Variants in IFT74 observed in about 807,000 individuals in gnomAD.
IFT74 encodes intraflagellar transport 74.
A neutral mutation model predicts 96.7 loss-of-function variants in IFT74; 92 were observed. The ratio of observed to expected loss-of-function variants is 0.95; its 90% confidence interval spans 0.80 to 1.13. The LOEUF is 1.13. Ranked by LOEUF, IFT74 falls within the 50% of genes most tolerant of loss-of-function variation. The pLI is 0.00. For synonymous variants in IFT74, 223 were observed against 213.2 expected, an observed-to-expected ratio of 1.05 and a Z score of -0.40; for missense variants, 811 against 698.2, an observed-to-expected ratio of 1.16 and a Z score of -1.82.
chr9:27,036,826 A>G, intron 13 of IFT74: 8 of 1,051,780 alleles, frequency 7.6e-6, no homozygotes, highest in Non-Finnish European at 9.1e-6. Context: ...CCAAAGTGAC[A>G]CAATAAAACA....
At chr9:26,988,617 A>C (rs1485594428) in intron 6 of IFT74, 52 bp from the exon 7 acceptor site, 1 of 1,451,992 alleles carries the variant, frequency 6.9e-7, no homozygotes, top group Non-Finnish European at 9.4e-7. Flanking sequence ...TATAGAGAAC[A>C]TGTGTAAAGA....
chr9:26,975,091 G>A (rs1275520756), intron 2 of IFT74, among the ~76,000 whole-genome samples: 1 of 152,148 alleles, frequency 6.6e-6, no homozygotes, highest in African/African-American at 2.4e-5. Flanking sequence ...TAAGGAGGAG[G>A]AATAACGTGA....
rs537445889 is a variant in IFT74 at position 27,016,698 on chromosome 9, A to C, written c.790-209A>C. ...AAACTAAGGCTATCAACTTCTTGTGAATCTTAGACTGAAAATAGCAGGATT... is the reference window on the plus strand; with the variant it reads ...AAACTAAGGCTATCAACTTCTTGTGCATCTTAGACTGAAAATAGCAGGATT... On this transcript the variant is annotated intron_variant, in intron 10 of 19. Transcript: ENST00000380062. Among the ~76,000 whole-genome samples the C allele has an allele frequency of 2.6e-5, 4 of 152,302 alleles. No individual in the cohort carries two copies. In the East Asian group the frequency reaches 7.7e-4, roughly 29 times the overall value.
At chr9:27,053,542 C>G (rs1464511824) in intron 16 of IFT74, among the ~76,000 whole-genome samples, 2 of 152,232 alleles carry the variant, frequency 1.3e-5, no homozygotes, top group Middle Eastern at 3.4e-3. Flanking sequence ...AGATTTTGCT[C>G]CTATGTACAC....
intron 8 of IFT74, among the ~76,000 whole-genome samples, chr9:27,004,246 A>G (rs1323882405): frequency 6.6e-6 from 1 of 152,218 alleles, no homozygotes; most frequent in African/African-American, 2.4e-5. Flanking sequence ...TGTTTTCTCA[A>G]GTGCGCTAAA....
intron 1 of IFT74, among the ~76,000 whole-genome samples, chr9:26,957,119 G>A (rs1826144564): frequency 1.3e-5 from 2 of 152,186 alleles, no homozygotes; most frequent in African/African-American, 4.8e-5. Flanking sequence ...AGGCCAGGCT[G>A]CCTCTCTGTG....
chr9:27,055,034 A>T (rs1820099908), intron 16 of IFT74, among the ~76,000 whole-genome samples: 1 of 152,228 alleles, frequency 6.6e-6, no homozygotes, highest in Non-Finnish European at 1.5e-5. Flanking sequence ...GTCTTTAAAC[A>T]AACATAAAGC....
intron 12 of IFT74, among the ~76,000 whole-genome samples, chr9:27,019,702 C>T (rs1453682727): frequency 6.6e-6 from 1 of 151,218 alleles, no homozygotes; most frequent in Non-Finnish European, 1.5e-5. Context: ...TGGGCTGTTA[C>T]CATTTTTTTA....
chr9:27,033,708 T>C (rs907773128), intron 13 of IFT74, among the ~76,000 whole-genome samples: 2 of 152,182 alleles, frequency 1.3e-5, no homozygotes, highest in South Asian at 2.1e-4. Context: ...AATTTTTTAC[T>C]CCCAAGAACA....
intron 8 of IFT74, among the ~76,000 whole-genome samples, chr9:27,002,828 G>A (rs377164222): frequency 2.0e-5 from 3 of 152,206 alleles, no homozygotes; most frequent in South Asian, 4.1e-4. Flanking sequence ...TCTATGAAGA[G>A]CGTCACTGTA....
intron 3 of IFT74, 70 bp downstream of exon 3, chr9:26,978,333 T>A (rs2131525820): frequency 6.7e-7 from 1 of 1,490,506 alleles, no homozygotes; most frequent in Non-Finnish European, 9.1e-7. Flanking sequence ...GTGAACAATT[T>A]AAAAAAGTAA....
At chr9:27,025,443 C>CAAAAAAAAAAAAAAAA (rs57335230) in intron 12 of IFT74, among the ~76,000 whole-genome samples, 1 of 77,716 alleles carries the variant, frequency 1.3e-5, no homozygotes, top group Non-Finnish European at 2.5e-5. Context: ...ACTCCATCTC[C>CAAAAAAAAAAAAAAAA]AAAAAAAAAA....
At position 27,060,611 on chromosome 9, in the gene IFT74, GT is replaced by G. The variant is rs1820372469; in HGVS notation, c.1645del (p.Trp549GlyfsTer11). The G allele has an allele frequency of 6.3e-7, 1 of 1,594,836 alleles. No homozygotes were observed. Among genetic ancestry groups the G allele is most frequent in the Non-Finnish European group, 8.6e-7 (1 of 1,168,060 alleles). On this transcript the variant is annotated frameshift_variant, in exon 19 of 20. Coordinates refer to ENST00000380062, the MANE Select transcript of IFT74 (RefSeq NM_025103.4). LOFTEE classifies it high-confidence loss of function. ...TTTAGCTTACAAATTTGGAGAGAAA[GT>G]GGCAACACCTTGAGCAAAATAATTT... ...HSQLTNLERK[W>X]QHLEQNNFAM...
chr9:27,056,178 A>T (rs1357430490), intron 17 of IFT74, among the ~76,000 whole-genome samples, 156 bp from the exon 18 acceptor site: 1 of 152,148 alleles, frequency 6.6e-6, no homozygotes, highest in Non-Finnish European at 1.5e-5. Flanking sequence ...AACATAGCTT[A>T]TAGTTCAAAG....
At chr9:27,042,329 A>C (rs1819518923) in intron 13 of IFT74, among the ~76,000 whole-genome samples, 2 of 152,130 alleles carry the variant, frequency 1.3e-5, no homozygotes, top group Non-Finnish European at 2.9e-5. Context: ...AAGGAAGCAG[A>C]CCCATGAAGA....
At chr9:27,030,711 C>T (rs1203339039) in intron 13 of IFT74, among the ~76,000 whole-genome samples, 2 of 152,132 alleles carry the variant, frequency 1.3e-5, no homozygotes, top group African/African-American at 4.8e-5. Context: ...GTATTATTGG[C>T]AGATGTCATG....
intron 8 of IFT74, among the ~76,000 whole-genome samples, chr9:27,001,528 T>C (rs908884627): frequency 1.3e-5 from 2 of 152,214 alleles, no homozygotes; most frequent in Non-Finnish European, 2.9e-5. Flanking sequence ...TATATCATTG[T>C]AGTTTTGATT....
rs1300183405 is a variant in IFT74, at chr9:27,056,261, TAA to T, written c.1498-72_1498-71del. 3 of 1,163,250 alleles carry T rather than the reference TAA, an allele frequency of 2.6e-6. No individual in the cohort carries two copies. The African/African-American group carries it at 4.8e-5, about 18-fold the overall frequency. 72.1% of individuals were successfully genotyped at this position (1,163,250 alleles called of 1,614,324 possible). ...TTTACCAGAATATAGTTATTGAAAT[TAA>T]GTTAAATATGATTTATATTGGCTTA... is the stretch of plus-strand genomic sequence containing the variant. On this transcript the variant is annotated intron_variant, in intron 17 of 19. Transcript: ENST00000380062.
intron 6 of IFT74, among the ~76,000 whole-genome samples, chr9:26,985,633 C>T (rs528598900): frequency 3.8e-4 from 58 of 152,172 alleles, no homozygotes; most frequent in Non-Finnish European, 5.4e-4. Flanking sequence ...CTTGGCTTAA[C>T]AGATTAATAT....
Sources: gnomAD v4.1 joint callset for allele counts (sites outside exome capture counted in the v4.1 genomes callset) on GRCh38, gnomAD v4.1.1 for gene constraint, MANE v1.5 for transcripts, NCBI Gene and HGNC (gene_info 2026-07-23, HGNC 2026-07-21) for gene names.